Variants in MBP observed in about 807,000 individuals in gnomAD.
The protein encoded by MBP is myelin basic protein.
In MBP, 16 loss-of-function variants were observed where a neutral mutation model predicts 35.8. That is an observed-to-expected ratio of 0.45 (90% CI 0.30 to 0.68). The LOEUF is 0.68. MBP is among the 30% of genes least tolerant of loss of function. The pLI, the probability that MBP is intolerant of heterozygous loss-of-function variation, is 0.08. For synonymous variants in MBP, 143 were observed against 159.6 expected, an observed-to-expected ratio of 0.90 and a Z score of 0.78; for missense variants, 380 against 404.7, an observed-to-expected ratio of 0.94 and a Z score of 0.52.
intron 2 of MBP, among the ~76,000 whole-genome samples, chr18:77,086,488 A>G (rs143634733): frequency 6.3e-4 from 96 of 152,334 alleles, no homozygotes; most frequent in African/African-American, 2.1e-3. Context: ...TCAAGTTAGA[A>G]TATGGTTACA....
intron 1 of MBP, among the ~76,000 whole-genome samples, chr18:77,126,742 A>G (rs996860909): frequency 6.6e-6 from 1 of 152,192 alleles, no homozygotes; most frequent in Admixed American, 6.5e-5. Flanking sequence ...CCTACTCCAC[A>G]ATAAACGTGG....
At chr18:77,043,369 T>C (rs1342079334) in intron 3 of MBP, among the ~76,000 whole-genome samples, 3 of 152,214 alleles carry the variant, frequency 2.0e-5, no homozygotes, top group Non-Finnish European at 1.5e-5. Context: ...TGAAATACGA[T>C]TGTCTCTTTA....
intron 3 of MBP, among the ~76,000 whole-genome samples, chr18:77,054,518 C>T (rs911248001): frequency 1.3e-5 from 2 of 152,178 alleles, no homozygotes; most frequent in Admixed American, 1.3e-4. Flanking sequence ...GGAGAACCAA[C>T]AGGGATGGAT....
intron 2 of MBP, among the ~76,000 whole-genome samples, chr18:77,089,606 C>T (rs1288605092): frequency 6.6e-6 from 1 of 152,212 alleles, no homozygotes. Context: ...GCCTCCAGGT[C>T]CCTAAGAAAA....
At chr18:76,992,160 AC>A (rs986042945) in intron 4 of MBP, among the ~76,000 whole-genome samples, 1 of 151,972 alleles carries the variant, frequency 6.6e-6, no homozygotes, top group African/African-American at 2.4e-5. Context: ...GCGGTTCCCA[AC>A]CTTTTTGGCA....
At chr18:77,042,296 C>A (rs76005310) in intron 3 of MBP, among the ~76,000 whole-genome samples, 1 of 145,536 alleles carries the variant, frequency 6.9e-6, no homozygotes, top group Non-Finnish European at 1.5e-5. Flanking sequence ...CCCCGGGGGA[C>A]CTGACTCTCA....
chr18:77,022,736 G>A (rs576590808), intron 3 of MBP, among the ~76,000 whole-genome samples: 1 of 152,302 alleles, frequency 6.6e-6, no homozygotes. Context: ...TGCAACAGTT[G>A]GGCTTTGTGT....
chr18:76,988,656 A>AC lies in MBP; in HGVS notation c.718-130_718-129insG. 1 of 1,496,262 alleles carries AC rather than the reference A, an allele frequency of 6.7e-7. No individual in the cohort carries two copies. The highest frequency in any genetic ancestry group is 1.3e-5 in the South Asian group (1 of 75,038). 92.7% of individuals were successfully genotyped at this position (1,496,262 alleles called of 1,614,324 possible). A position where few individuals can be genotyped will look rare whatever the true frequency, so the allele number is the denominator to read the frequency against. On this transcript the variant is annotated intron_variant, in intron 6 of 8. Coordinates refer to ENST00000355994, the MANE Select transcript of MBP (RefSeq NM_001025101.2). The surrounding 1 kb of genome is among the most constrained non-coding windows in gnomAD (Gnocchi z 5.2). ...AAAACAGGTTCCACCCGGAGCTCCG[A>AC]GGGGGGCCGCAGGCTCAGGGCCACA...
intron 1 of MBP, among the ~76,000 whole-genome samples, chr18:77,120,217 C>T (rs192409655): frequency 6.6e-6 from 1 of 152,362 alleles, no homozygotes; most frequent in East Asian, 1.9e-4. Context: ...GGAACACACG[C>T]TCCCGTAGGC....
rs562699788 is a variant in MBP at position 77,102,983 on chromosome 18, A to G, written c.51+2228T>C. Among the ~76,000 whole-genome samples the G allele has an allele frequency of 7.3e-5, 10 of 136,880 alleles. No homozygotes were observed. The East Asian group carries it at 2.0e-3, about 27-fold the overall frequency. The allele number at this position is 136,880 out of a possible 152,430, so 89.8% of individuals were successfully genotyped here. On this transcript the variant is annotated intron_variant, in intron 2 of 8. Coordinates refer to ENST00000355994, the MANE Select transcript of MBP (RefSeq NM_001025101.2). The surrounding 1 kb of genome is among the most constrained non-coding windows in gnomAD (Gnocchi z 4.4). ...ACAGTTTAAGTATGGGCTGAACAAA[A>G]TAATGAGTCACCCTCCCATTCAACA...
chr18:76,983,180 G>C (rs1285898458), intron 8 of MBP: 1 of 152,226 alleles, frequency 6.6e-6, no homozygotes, highest in African/African-American at 2.4e-5. Flanking sequence ...CCAGCACTCA[G>C]CTCTCCCGGT....
chr18:77,041,223 A>G (rs890814772), intron 3 of MBP, among the ~76,000 whole-genome samples: 1 of 152,200 alleles, frequency 6.6e-6, no homozygotes, highest in African/African-American at 2.4e-5. Flanking sequence ...CAAAACCACA[A>G]TGAGATACCA....
At chr18:77,123,509 C>T (rs116763971) in intron 1 of MBP, among the ~76,000 whole-genome samples, 6,951 of 152,286 alleles carry the variant, frequency 0.046, 396 homozygotes, top group African/African-American at 0.12. Context: ...CTGGAAACAC[C>T]GAGGCACTCA....
At chr18:77,124,599 G>A (rs1288950051) in intron 1 of MBP, among the ~76,000 whole-genome samples, 3 of 152,232 alleles carry the variant, frequency 2.0e-5, no homozygotes, top group Non-Finnish European at 4.4e-5. Context: ...GTTCGGAGGG[G>A]ATGGGAGAGG....
At chr18:77,077,223 G>A (rs1245686335) in intron 2 of MBP, among the ~76,000 whole-genome samples, 3 of 151,796 alleles carry the variant, frequency 2.0e-5, no homozygotes, top group African/African-American at 7.3e-5. Flanking sequence ...TTAGCTGGGC[G>A]TGGTGGTGGG....
chr18:77,015,828 C>T (rs998595550), intron 4 of MBP: 250 of 985,316 alleles, frequency 2.5e-4, no homozygotes, highest in Non-Finnish European at 2.3e-4. Context: ...CAGAATGAGG[C>T]GCTCTGTTCC....
chr18:77,112,255 C>T (rs923286691), intron 1 of MBP, among the ~76,000 whole-genome samples: 2 of 152,086 alleles, frequency 1.3e-5, no homozygotes, highest in Non-Finnish European at 2.9e-5. Context: ...GAAGAAGACG[C>T]GTTTGGTTTC....
Position 77,118,661 on chromosome 18 carries a change from CACT to C in MBP, c.-25-13378_-25-13376del, listed in dbSNP as rs1976783952. Among the ~76,000 whole-genome samples, 6 of 134,072 alleles carry C rather than the reference CACT, an allele frequency of 4.5e-5. No homozygotes were observed. In the East Asian group the frequency reaches 1.3e-3, roughly 29 times the overall value. The allele number at this position is 134,072 out of a possible 152,430, so 88.0% of individuals were successfully genotyped here. A position where few individuals can be genotyped will look rare whatever the true frequency, so the allele number is the denominator to read the frequency against. On this transcript the variant is annotated intron_variant, in intron 1 of 8. Transcript: ENST00000355994. ...ACACTACACACCACACACACACACA[CACT>C]ACATACCACACACACACACCACACA...
At chr18:76,999,171 G>C (rs1294214739) in intron 4 of MBP, among the ~76,000 whole-genome samples, 1 of 152,022 alleles carries the variant, frequency 6.6e-6, no homozygotes, top group Non-Finnish European at 1.5e-5. Flanking sequence ...GGAGGTGAGG[G>C]GAGGACGCAA....
Sources: allele counts gnomAD v4.1 joint callset (sites outside exome capture counted in the v4.1 genomes callset), GRCh38; gene constraint gnomAD v4.1.1; non-coding constraint Gnocchi (gnomAD v3.1); transcripts MANE v1.5; gene names NCBI Gene and HGNC (gene_info 2026-07-23, HGNC 2026-07-21).